SV2C: variants seen among roughly 807,000 people sequenced by gnomAD.
SV2C encodes solute carrier family 22 member B3.
SV2C carries 49 observed loss-of-function variants against 79.7 expected under a neutral mutation model. The ratio of observed to expected loss-of-function variants is 0.61; its 90% CI spans 0.49 to 0.78. The LOEUF (loss-of-function observed/expected upper bound fraction) is 0.78, where lower values mean the gene tolerates loss of function less well. SV2C is among the 30% of genes least tolerant of loss of function. SV2C has a pLI of 0.00. For missense variants in SV2C, 833 were observed against 912.9 expected, an observed-to-expected ratio of 0.91 and a Z score of 1.13; for synonymous variants, 334 against 333.2, an observed-to-expected ratio of 1.00 and a Z score of -0.03.
At chr5:76,065,112 C>T in the SV2C span, among the ~76,000 whole-genome samples, 5 of 152,058 alleles carry the variant, frequency 3.3e-5, no homozygotes, top group African/African-American at 9.7e-5. Context: ...AAAATTATTA[C>T]GTATAATATA....
At position 76,213,121 on chromosome 5, in the gene SV2C, A is replaced by G. The variant is rs372757971; in HGVS notation, c.913+3234A>G. 1.6e-4 allele frequency among the ~76,000 whole-genome samples: 24 copies of G among 152,346 alleles called. No individual in the cohort carries two copies. In the East Asian group the frequency reaches 4.2e-3, roughly 27 times the overall value. The stretch of plus-strand genomic sequence containing the variant: ...CCAGGTTACGAAATGAGTAATGTCA[A>G]TATGAAAACCTTATGCCCATGCTTT... On this transcript the variant is annotated intron_variant, in intron 4 of 12. Coordinates refer to ENST00000502798, the MANE Select transcript of SV2C (RefSeq NM_014979.4).
At chr5:76,335,474 G>T (rs368723031), downstream of SV2C, among the ~76,000 whole-genome samples, 3,945 of 142,686 alleles carry the variant, frequency 0.028, 76 homozygotes, top group South Asian at 0.072. Flanking sequence ...CACAGAGGGG[G>T]ATTTGGCAGG....
At chr5:76,105,951 T>G (rs1405901455) in intron 1 of SV2C, among the ~76,000 whole-genome samples, 2 of 152,160 alleles carry the variant, frequency 1.3e-5, no homozygotes, top group East Asian at 3.8e-4. Flanking sequence ...TCCATTCTTG[T>G]GGCTTCAAAC....
intron 4 of SV2C, among the ~76,000 whole-genome samples, chr5:76,223,865 C>T (rs888679855): frequency 3.3e-5 from 5 of 151,948 alleles, no homozygotes; most frequent in South Asian, 2.1e-4. Context: ...ATTAACATGT[C>T]GGCTGAGTTG....
At chr5:75,866,772 G>T in the SV2C span, among the ~76,000 whole-genome samples, 5 of 152,168 alleles carry the variant, frequency 3.3e-5, no homozygotes, top group Admixed American at 1.3e-4. Flanking sequence ...AAGCAGTAAG[G>T]CTCCAAGATA....
At chr5:76,033,230 GT>G in the SV2C span, among the ~76,000 whole-genome samples, 3 of 151,854 alleles carry the variant, frequency 2.0e-5, no homozygotes, top group South Asian at 4.2e-4. Flanking sequence ...TTCTTTTGCT[GT>G]GCAGAAGCTC....
At chr5:75,972,426 C>T in the SV2C span, among the ~76,000 whole-genome samples, 1 of 152,034 alleles carries the variant, frequency 6.6e-6, no homozygotes, top group Non-Finnish European at 1.5e-5. Flanking sequence ...GCAACCTACT[C>T]ATCTGACAAA....
chr5:76,229,788 A>C (rs1315779300), intron 4 of SV2C, among the ~76,000 whole-genome samples: 1 of 152,240 alleles, frequency 6.6e-6, no homozygotes, highest in African/African-American at 2.4e-5. Context: ...CTGAGAAAGA[A>C]GAGTGATGGG....
At chr5:76,095,836 C>A (rs1747536853) in intron 1 of SV2C, among the ~76,000 whole-genome samples, 1 of 151,834 alleles carries the variant, frequency 6.6e-6, no homozygotes. Context: ...TGGAAAATAC[C>A]AATCCCTTTG....
At chr5:75,932,929 T>A in the SV2C span, among the ~76,000 whole-genome samples, 1 of 152,192 alleles carries the variant, frequency 6.6e-6, no homozygotes, top group Non-Finnish European at 1.5e-5. Context: ...ATGATGACAA[T>A]GGCATCATAA....
At chr5:76,266,812 G>A (rs867321610) in intron 4 of SV2C, among the ~76,000 whole-genome samples, 5 of 152,146 alleles carry the variant, frequency 3.3e-5, no homozygotes, top group Admixed American at 2.0e-4. Context: ...GGTTAAAATG[G>A]GAAGTTTCAT....
chr5:75,853,671 AT>A, the SV2C span, among the ~76,000 whole-genome samples: 37,861 of 132,290 alleles, frequency 0.29, 8,253 homozygotes, highest in African/African-American at 0.62. Flanking sequence ...TTATTTTTCT[AT>A]TTTTTTTAAA....
chr5:75,965,654 C>T, the SV2C span, among the ~76,000 whole-genome samples: 7 of 152,186 alleles, frequency 4.6e-5, no homozygotes, highest in Non-Finnish European at 1.0e-4. Flanking sequence ...CTTAGACAGA[C>T]AAAGAGCACT....
chr5:76,271,337 T>A lies in SV2C; in HGVS notation c.914-13825T>A, dbSNP rs114671061. ...TTTTATAACAGGTATATTGTTCCATTTTCAGTAACGTGATGGGCTATGTTA... is the reference window on the plus strand; with the variant it reads ...TTTTATAACAGGTATATTGTTCCATATTCAGTAACGTGATGGGCTATGTTA... On this transcript the variant is annotated intron_variant, in intron 4 of 12. Coordinates refer to ENST00000502798, the MANE Select transcript of SV2C (RefSeq NM_014979.4). 8.3e-3 allele frequency among the ~76,000 whole-genome samples: 1,261 copies of A among 152,274 alleles called. 19 individuals carry two copies. Among genetic ancestry groups the A allele is most frequent in the African/African-American group, 0.029 (1,224 of 41,536 alleles).
the SV2C span, among the ~76,000 whole-genome samples, chr5:75,975,418 C>T: frequency 6.6e-6 from 1 of 152,122 alleles, no homozygotes; most frequent in Admixed American, 6.6e-5. Context: ...ATCCTTGCTC[C>T]ATGTCTATAG....
At chr5:75,963,302 C>T in the SV2C span, among the ~76,000 whole-genome samples, 1 of 152,108 alleles carries the variant, frequency 6.6e-6, no homozygotes, top group Non-Finnish European at 1.5e-5. Context: ...CTCCATTTTG[C>T]TTGAGTACAC....
At chr5:75,852,639 C>T in the SV2C span, among the ~76,000 whole-genome samples, 6 of 151,954 alleles carry the variant, frequency 3.9e-5, no homozygotes, top group Non-Finnish European at 5.9e-5. Context: ...TAGATCTTCA[C>T]TATAAGAACT....
intron 1 of SV2C, among the ~76,000 whole-genome samples, chr5:76,115,377 G>A (rs1048509807): frequency 2.6e-5 from 4 of 152,166 alleles, no homozygotes; most frequent in African/African-American, 7.2e-5. Flanking sequence ...GTCTTATTTT[G>A]TAATGGCTCT....
chr5:75,995,258 G>C, the SV2C span, among the ~76,000 whole-genome samples: 2 of 152,094 alleles, frequency 1.3e-5, no homozygotes, highest in Admixed American at 6.6e-5. Context: ...GCCCAGTCAA[G>C]TTAATACATG....
Sources: allele counts gnomAD v4.1 joint callset (sites outside exome capture counted in the v4.1 genomes callset), GRCh38; gene constraint gnomAD v4.1.1; transcripts MANE v1.5; gene names NCBI Gene and HGNC (gene_info 2026-07-23, HGNC 2026-07-21).